The following SPACA6 variants were observed in gnomAD, a reference collection of about 807,000 sequenced individuals.
SPACA6 encodes sperm acrosome associated 6, also known as sperm acrosome membrane-associated protein 6.
For missense variants in SPACA6, 8 were observed against 2.8 expected (o/e 2.88, Z -1.34); for synonymous variants, 6 against 1.5 (o/e 4.05, Z -2.21).
rs577591785 is a variant in SPACA6 at position 51,711,729 on chromosome 19, T to G, written n.200-304T>G. ...GCCATAAAAAGGAATGAATCAGTGA[T>G]ACATGCAACAACATGGATGAACCTT... On this transcript the variant is annotated intron_variant and non_coding_transcript_variant, in intron 2 of 2. Transcript: ENST00000573896. Among the ~76,000 whole-genome samples the G allele has an allele frequency of 2.6e-5, 4 of 152,230 alleles. No individual in the cohort carries two copies. In the East Asian group the frequency reaches 7.7e-4, roughly 29 times the overall value.
chr19:51,701,293 C>T (rs899353900), intron 2 of SPACA6, among the ~76,000 whole-genome samples: 1 of 152,196 alleles, frequency 6.6e-6, no homozygotes, highest in East Asian at 1.9e-4. Flanking sequence ...CTAGGCCAAA[C>T]CATGTAAGAC....
At chr19:51,694,810 T>A (rs2083414309) in intron 2 of SPACA6, among the ~76,000 whole-genome samples, 3 of 151,722 alleles carry the variant, frequency 2.0e-5, no homozygotes, top group African/African-American at 7.3e-5. Context: ...CCAGATGGGG[T>A]CGGGTAGGCA....
At chr19:51,691,209 A>G (rs1209664581), upstream of SPACA6, among the ~76,000 whole-genome samples, 1 of 148,446 alleles carries the variant, frequency 6.7e-6, no homozygotes, top group Non-Finnish European at 1.5e-5. Context: ...GAAAAGAGAG[A>G]GAGAGAAGGG....
chr19:51,704,988 C>T, intron 8 of SPACA6, 102 bp from the exon 9 acceptor site: 1 of 389,010 alleles, frequency 2.6e-6, no homozygotes, highest in Non-Finnish European at 4.5e-6. Context: ...AACCAGGAGT[C>T]CGGGCCCTGT....
chr19:51,704,976 A>C, intron 8 of SPACA6, 114 bp from the exon 9 acceptor site: 1 of 394,046 alleles, frequency 2.5e-6, no homozygotes, highest in Non-Finnish European at 4.5e-6. Flanking sequence ...CTCCTCCCTC[A>C]GAACCAGGAG....
At chr19:51,682,817 C>A in the SPACA6 span, among the ~76,000 whole-genome samples, 10 of 152,150 alleles carry the variant, frequency 6.6e-5, no homozygotes, top group Non-Finnish European at 1.0e-4. Context: ...TGAGGGCGGG[C>A]AGATCACTTG....
At position 51,693,661 on chromosome 19, in the gene SPACA6, T is replaced by C; in HGVS notation, c.135T>C (p.Val45=). The C allele has an allele frequency of 2.4e-6, 1 of 413,862 alleles. No homozygotes were observed. Among genetic ancestry groups the C allele is most frequent in the Non-Finnish European group, 4.3e-6 (1 of 232,746 alleles). 25.6% of individuals were successfully genotyped at this position (413,862 alleles called of 1,614,324 possible). Residue 45 remains valine, a synonymous_variant, in exon 1 of 9, where the codon GTT becomes GTC. Transcript: ENST00000637797. Reference sequence around the variant, plus strand: ...GCCTCCGCATCTGCCAGATGTTTGTTGGGATGCGGAGCCCCAAGCTTGAAG... The same window carrying C: ...GCCTCCGCATCTGCCAGATGTTTGTCGGGATGCGGAGCCCCAAGCTTGAAG... ...SERLRICQMF[V]GMRSPKLEEC...
At chr19:51,712,948 C>T (rs1001297598), downstream of SPACA6, among the ~76,000 whole-genome samples, 2 of 152,032 alleles carry the variant, frequency 1.3e-5, no homozygotes, top group Non-Finnish European at 2.9e-5. Context: ...ACCAACCCTG[C>T]CCCAGGGGAT....
intron 4 of SPACA6, 115 bp downstream of exon 4, chr19:51,702,767 A>G: frequency 2.5e-6 from 1 of 399,038 alleles, no homozygotes; most frequent in East Asian, 3.6e-5. Context: ...GGAAGCCAAT[A>G]AGATCCCTGG....
intron 2 of SPACA6, 113 bp downstream of exon 2, chr19:51,694,668 C>A: frequency 2.5e-6 from 1 of 398,238 alleles, no homozygotes; most frequent in South Asian, 1.3e-4. Context: ...GGCAGTGATC[C>A]GGGAGGGGAA....
intron 4 of SPACA6, 133 bp from the exon 5 acceptor site, chr19:51,702,888 G>C (rs1048919735): frequency 2.5e-6 from 1 of 398,726 alleles, no homozygotes; most frequent in African/African-American, 2.1e-5. Context: ...GTCGGCCAAA[G>C]ACAGCAGGGA....
chr19:51,687,702 C>G (rs1348022146), upstream of SPACA6: 1 of 152,132 alleles, frequency 6.6e-6, no homozygotes, highest in Non-Finnish European at 1.5e-5. Flanking sequence ...CACCATGCAT[C>G]CTGAACGTTT....
intron 1 of SPACA6, 176 bp from the exon 2 acceptor site, chr19:51,694,302 G>A: frequency 2.5e-6 from 1 of 393,308 alleles, no homozygotes; most frequent in Non-Finnish European, 4.5e-6. Flanking sequence ...CAGAGACTCA[G>A]GGAGGATAGA....
intron 2 of SPACA6, among the ~76,000 whole-genome samples, chr19:51,695,023 AAC>A (rs199979393): frequency 6.6e-6 from 1 of 151,922 alleles, no homozygotes; most frequent in Non-Finnish European, 1.5e-5. Context: ...TCTAGGATAG[AAC>A]ACACACACAC....
chr19:51,688,090 C>T (rs1194854839), upstream of SPACA6: 1 of 152,494 alleles, frequency 6.6e-6, no homozygotes, highest in African/African-American at 2.4e-5. Flanking sequence ...TTGCTCACAA[C>T]CTTCCAGGGC....
upstream of SPACA6, chr19:51,692,846 C>T: frequency 1.9e-6 from 1 of 534,402 alleles, no homozygotes; most frequent in Non-Finnish European, 3.8e-6. The surrounding 1 kb of genome is among the most constrained non-coding windows in gnomAD (Gnocchi z 5.6). Flanking sequence ...CACTATACGG[C>T]CTCCTAGCTT....
chr19:51,704,546 T>C (rs1285778919), intron 8 of SPACA6, 66 bp downstream of exon 8: 2 of 400,270 alleles, frequency 5.0e-6, no homozygotes, highest in Non-Finnish European at 8.8e-6. Flanking sequence ...CACCGAGAAG[T>C]CTGGGTTCCC....
At chr19:51,687,039 A>G (rs1057318090), upstream of SPACA6, 2 of 152,184 alleles carry the variant, frequency 1.3e-5, no homozygotes, top group East Asian at 3.8e-4. Context: ...AGGTGGGAGG[A>G]TCACTTGAGG....
At chr19:51,700,953 G>A (rs566928099) in intron 2 of SPACA6, among the ~76,000 whole-genome samples, 5 of 152,272 alleles carry the variant, frequency 3.3e-5, no homozygotes, top group Non-Finnish European at 7.4e-5. Flanking sequence ...CAGGCACGGT[G>A]GCTCATGCCT....
Sources: gnomAD v4.1 joint callset for allele counts (sites outside exome capture counted in the v4.1 genomes callset) on GRCh38, gnomAD v4.1.1 for gene constraint, Gnocchi (gnomAD v3.1) non-coding constraint, MANE v1.5 for transcripts, NCBI Gene and HGNC (gene_info 2026-07-23, HGNC 2026-07-21) for gene names.